DMBT1: variants seen among roughly 807,000 people sequenced by gnomAD.
DMBT1 encodes deleted in malignant brain tumors 1.
In DMBT1, 198 loss-of-function variants were observed where a neutral mutation model predicts 252.9. That is an observed-to-expected ratio of 0.78 (90% CI 0.70 to 0.88). The LOEUF (loss-of-function observed/expected upper bound fraction) is 0.88, where lower values mean the gene tolerates loss of function less well. Among genes scored for constraint, DMBT1 ranks in the 40% least tolerant of loss-of-function variants. The probability of loss-of-function intolerance (pLI) is 0.00; values close to 1 mark genes in which losing one functional copy is unlikely to be tolerated. For missense variants in DMBT1, 2,432 were observed against 2,404.7 expected (o/e 1.01, Z -0.24); for synonymous variants, 990 against 942.7 (o/e 1.05, Z -0.92).
intron 27 of DMBT1, among the ~76,000 whole-genome samples, chr10:122,600,739 TG>T (rs1356477831): frequency 1.3e-5 from 2 of 152,102 alleles, no homozygotes; most frequent in African/African-American, 4.8e-5. Context: ...GATGGCATGG[TG>T]GGGGCATCCT....
At chr10:122,624,720 G>T (rs1482839913) in intron 44 of DMBT1, among the ~76,000 whole-genome samples, 2 of 152,180 alleles carry the variant, frequency 1.3e-5, no homozygotes, top group South Asian at 4.1e-4. Flanking sequence ...TTTGATCAGG[G>T]CTCAGGACCC....
chr10:122,587,530 TA>T (rs1349261137), intron 16 of DMBT1, among the ~76,000 whole-genome samples: 1 of 148,168 alleles, frequency 6.7e-6, no homozygotes, highest in African/African-American at 2.4e-5. Flanking sequence ...ACAGGCTGGA[TA>T]TTTTTTTTTT....
At chr10:122,638,324 T>C (rs1388548844) in intron 54 of DMBT1, among the ~76,000 whole-genome samples, 4 of 152,186 alleles carry the variant, frequency 2.6e-5, no homozygotes, top group Non-Finnish European at 5.9e-5. Flanking sequence ...TTCACACCCA[T>C]TCACACCCGT....
chr10:122,590,644 C>G (rs1312991951), intron 17 of DMBT1, 21 bp from the exon 18 acceptor site: 1 of 1,587,702 alleles, frequency 6.3e-7, no homozygotes, highest in East Asian at 2.3e-5. Context: ...TGCATCTGAT[C>G]TGACCTCCTC....
intron 9 of DMBT1, 27 bp downstream of exon 9, chr10:122,578,786 G>A (rs760612620): frequency 1.3e-5 from 20 of 1,591,590 alleles, no homozygotes; most frequent in Non-Finnish European, 1.5e-5. Context: ...ACACTCCCTG[G>A]GGCTCACTTT....
intron 14 of DMBT1, among the ~76,000 whole-genome samples, chr10:122,584,718 G>C (rs1285816483): frequency 6.7e-6 from 1 of 149,180 alleles, no homozygotes; most frequent in Non-Finnish European, 1.5e-5. Flanking sequence ...GCCAATGTCA[G>C]CTAAAGCCTT....
intron 24 of DMBT1, 111 bp from the exon 25 acceptor site, chr10:122,597,863 G>A (rs1346224221): frequency 1.8e-5 from 27 of 1,531,444 alleles, no homozygotes; most frequent in Non-Finnish European, 2.3e-5. Flanking sequence ...CAAGTGGCAG[G>A]AACCAGAAGT....
intron 2 of DMBT1, 38 bp from the exon 3 acceptor site, chr10:122,570,124 G>C: frequency 6.4e-7 from 1 of 1,564,430 alleles, no homozygotes. Flanking sequence ...CCCAAGCAAG[G>C]GCTACCATCA....
In DMBT1 at chr10:122,570,152, C is replaced by CA; in HGVS notation, c.92-9dup. 7 of 1,591,924 alleles carry CA rather than the reference C, an allele frequency of 4.4e-6. No individual in the cohort carries two copies. Among genetic ancestry groups the CA allele is most frequent in the Non-Finnish European group, 6.0e-6 (7 of 1,159,912 alleles). ...TACCATCAATGAGCTCTTCCTTTTC[C>CA]ACCTCGCAGCTTCACTGATTCCCTC... is the stretch of plus-strand genomic sequence containing the variant. On this transcript the variant is annotated splice_polypyrimidine_tract_variant and intron_variant, in intron 2 of 55. Transcript: ENST00000338354.
chr10:122,634,414 TCTCTCTCTCTCTCTC>T (rs1482577957), intron 52 of DMBT1, among the ~76,000 whole-genome samples: 2,495 of 96,742 alleles, frequency 0.026, 28 homozygotes, highest in East Asian at 0.057. Context: ...TCTTTCTTTC[TCTCTCTCTCTCTCTC>T]TTCTCTCTCT....
At chr10:122,585,947 G>T in intron 15 of DMBT1, 113 bp from the exon 16 acceptor site, 9 of 1,534,698 alleles carry the variant, frequency 5.9e-6, no homozygotes, top group Non-Finnish European at 7.0e-6. Flanking sequence ...ATTCAAAGGT[G>T]ACTGCCTGCC....
At chr10:122,565,661 C>A (rs1023261615) in intron 1 of DMBT1, among the ~76,000 whole-genome samples, 1 of 152,210 alleles carries the variant, frequency 6.6e-6, no homozygotes, top group Non-Finnish European at 1.5e-5. Flanking sequence ...AAGCTGTCTT[C>A]TCTTGTCCAG....
chr10:122,574,321 G>A (rs2097692791), intron 6 of DMBT1, among the ~76,000 whole-genome samples: 1 of 152,178 alleles, frequency 6.6e-6, no homozygotes, highest in Non-Finnish European at 1.5e-5. Flanking sequence ...TACATCCTGG[G>A]ATTCTGGCAG....
At position 122,570,124 on chromosome 10, in the gene DMBT1, G is replaced by T. The variant is rs368308391; in HGVS notation, c.92-38G>T. 3.8e-6 allele frequency: 6 copies of T among 1,564,312 alleles called. No homozygotes were observed. The African/African-American group carries it at 6.8e-5, about 18-fold the overall frequency. ...CAGGGACCAGCCCTCCCCAAGCAAG[G>T]GCTACCATCAATGAGCTCTTCCTTT... On this transcript the variant is annotated intron_variant, in intron 2 of 55. Transcript: ENST00000338354.
In DMBT1 at chr10:122,617,243, C is replaced by T. The variant is rs756284043; in HGVS notation, c.4874C>T (p.Ser1625Phe). Residue 1625 changes from serine to phenylalanine, a missense_variant, in exon 40 of 56, where the codon TCT becomes TTT. Coordinates refer to ENST00000338354, the MANE Select transcript of DMBT1 (RefSeq NM_001377530.1). ...CTATTTACAGACACTTGGCCAACCT[C>T]TCGTGCATCAACAGCAGGTAAACAA... ...PTPSPDTWPT[S>F]RASTAGSEST... 3.1e-6 allele frequency: 5 copies of T among 1,609,892 alleles called. No individual in the cohort carries two copies. The South Asian group carries it at 4.4e-5, about 14-fold the overall frequency.
Position 122,600,071 on chromosome 10 carries a change from G to T in DMBT1, c.3288G>T (p.Gln1096His), listed in dbSNP as rs778915622. Residue 1096 changes from glutamine to histidine, a missense_variant, in exon 27 of 56, where the codon CAG (glutamine) becomes CAT (histidine). Physicochemically the swap from Gln to His is conservative, Grantham distance 24 (BLOSUM62 0). This residue lies in a region of DMBT1 where 1,264 missense variants were observed against 1,082.2 expected (regional missense o/e 1.17). Coordinates refer to ENST00000338354, the MANE Select transcript of DMBT1 (RefSeq NM_001377530.1). Reference protein sequence around the residue: ...EDAGVICSASQSRPTPSPDTW... With the variant: ...EDAGVICSASHSRPTPSPDTW... ...CTCTTCTCTTTCTCACAGCTTCCCAGTCCCGGCCAACACCTAGTCCAGGTG... is the reference window on the plus strand; with the variant it reads ...CTCTTCTCTTTCTCACAGCTTCCCATTCCCGGCCAACACCTAGTCCAGGTG... The T allele has an allele frequency of 1.2e-5, 20 of 1,607,042 alleles. No individual in the cohort carries two copies. In the East Asian group the frequency reaches 3.2e-4, roughly 25 times the overall value.
In DMBT1 at chr10:122,586,296, A is replaced by C. The variant is rs922517283; in HGVS notation, c.1696A>C (p.Asn566His). The stretch of plus-strand genomic sequence containing the variant: ...CCTGGATGACGTGCGCTGCTCAGGG[A>C]ATGAGTCCTACTTGTGGAGCTGCCC... ...IVLDDVRCSG[N>H]ESYLWSCPHN... The change falls in exon 16 of 56, where the codon AAT (asparagine) becomes CAT (histidine). Residue 566 changes from asparagine (N) to histidine (H), a missense_variant. By Grantham distance (68) the Asn-to-His change is moderately conservative. Around this residue, in one of 3 missense-constraint regions of DMBT1, gnomAD observed 1,264 missense variants for 1,082.2 expected, o/e 1.17. Coordinates refer to ENST00000338354, the MANE Select transcript of DMBT1 (RefSeq NM_001377530.1). 6 of 1,588,358 alleles carry C rather than the reference A, an allele frequency of 3.8e-6. No individual in the cohort carries two copies. In the African/African-American group the frequency reaches 5.4e-5, roughly 14 times the overall value.
chr10:122,572,204 C>T (rs1237713778), intron 4 of DMBT1, 110 bp from the exon 5 acceptor site: 13 of 1,458,534 alleles, frequency 8.9e-6, no homozygotes, highest in Non-Finnish European at 1.2e-5. Context: ...ATGGAGGTTG[C>T]CTTTAGGACC....
rs2098019044 is a variant in DMBT1, at chr10:122,618,230, T to C, written c.5105T>C (p.Leu1702Pro). 6.2e-7 allele frequency: 1 copy of C among 1,613,814 alleles called. No individual in the cohort carries two copies. Among genetic ancestry groups the C allele is most frequent in the Non-Finnish European group, 8.5e-7 (1 of 1,179,784 alleles). The part of the protein sequence containing the change: ...QFGQGSGPIV[L>P]DDVRCSGHES... ...GGCCAGGGCTCAGGACCCATTGTCC[T>C]GGATGATGTGCGCTGCTCAGGACAC... is the stretch of plus-strand genomic sequence containing the variant. Residue 1702 changes from leucine to proline, a missense_variant, in exon 41 of 56, where the codon CTG (leucine) becomes CCG (proline). Physicochemically the swap from Leu to Pro is moderately conservative, Grantham distance 98 (BLOSUM62 -3). Transcript: ENST00000338354.
Sources: gnomAD v4.1 joint callset for allele counts (sites outside exome capture counted in the v4.1 genomes callset) on GRCh38, gnomAD v4.1.1 for gene constraint, gnomAD v4.1.1 regional missense constraint, MANE v1.5 for transcripts, NCBI Gene and HGNC (gene_info 2026-07-23, HGNC 2026-07-21) for gene names.